The following ARHGAP24 variants were observed in gnomAD, a reference collection of about 807,000 sequenced individuals.
ARHGAP24 encodes the protein rho GTPase-activating protein 24.
In ARHGAP24, 50 loss-of-function variants were observed where a neutral mutation model predicts 76.4. The ratio of observed to expected loss-of-function variants is 0.65; its 90% CI spans 0.52 to 0.83. The LOEUF (loss-of-function observed/expected upper bound fraction) is 0.83, where lower values mean the gene tolerates loss of function less well. Among genes scored for constraint, ARHGAP24 ranks in the 40% least tolerant of loss-of-function variants. The pLI is 0.00. For synonymous variants in ARHGAP24, 345 were observed against 323.3 expected, an observed-to-expected ratio of 1.07 and a Z score of -0.72; for missense variants, 930 against 914.2, an observed-to-expected ratio of 1.02 and a Z score of -0.22.
At chr4:85,797,828 C>G (rs1200984048) in intron 3 of ARHGAP24, among the ~76,000 whole-genome samples, 1 of 152,126 alleles carries the variant, frequency 6.6e-6, no homozygotes, top group Non-Finnish European at 1.5e-5. Flanking sequence ...CCAACCCTGC[C>G]CTCCTCAGAA....
At chr4:85,488,200 A>G (rs1318053917) in intron 1 of ARHGAP24, among the ~76,000 whole-genome samples, 1 of 151,906 alleles carries the variant, frequency 6.6e-6, no homozygotes, top group East Asian at 1.9e-4. Context: ...TTTTCCACGA[A>G]AGAAATTCCT....
intron 4 of ARHGAP24, among the ~76,000 whole-genome samples, chr4:85,937,193 G>A (rs1736687839): frequency 6.6e-6 from 1 of 152,160 alleles, no homozygotes; most frequent in South Asian, 2.1e-4. Context: ...CTAATCTAAT[G>A]CAGTGGTAAG....
intron 3 of ARHGAP24, among the ~76,000 whole-genome samples, chr4:85,783,377 A>C (rs1408355722): frequency 6.6e-6 from 1 of 152,202 alleles, no homozygotes; most frequent in Non-Finnish European, 1.5e-5. Context: ...TTCTGCTGTG[A>C]ATAAAATTAG....
intron 3 of ARHGAP24, among the ~76,000 whole-genome samples, chr4:85,740,481 A>T (rs1238063089): frequency 1.3e-5 from 2 of 152,056 alleles, no homozygotes; most frequent in Non-Finnish European, 2.9e-5. Flanking sequence ...CCTCGGCCTT[A>T]TATAGGGGTG....
chr4:85,685,485 T>C (rs1723383900), intron 2 of ARHGAP24, among the ~76,000 whole-genome samples: 1 of 151,934 alleles, frequency 6.6e-6, no homozygotes, highest in Admixed American at 6.6e-5. Context: ...ACAAAAAAAT[T>C]AGCTGGGCAT....
intron 3 of ARHGAP24, among the ~76,000 whole-genome samples, chr4:85,774,014 G>C (rs901139771): frequency 6.6e-6 from 1 of 152,176 alleles, no homozygotes; most frequent in African/African-American, 2.4e-5. Context: ...TGACACCAGT[G>C]CTCAGGCAAG....
At chr4:85,989,662 C>G (rs1740208401) in intron 8 of ARHGAP24, among the ~76,000 whole-genome samples, 1 of 151,542 alleles carries the variant, frequency 6.6e-6, no homozygotes, top group African/African-American at 2.4e-5. Context: ...ATTGACTTCA[C>G]CATATAAAAA....
chr4:85,932,136 G>A (rs1418641851), intron 4 of ARHGAP24, among the ~76,000 whole-genome samples: 1 of 152,128 alleles, frequency 6.6e-6, no homozygotes, highest in Non-Finnish European at 1.5e-5. Context: ...GATTTCAGGT[G>A]TTAATTTACA....
intron 3 of ARHGAP24, among the ~76,000 whole-genome samples, chr4:85,725,008 A>C (rs1380162408): frequency 6.6e-6 from 1 of 152,212 alleles, no homozygotes; most frequent in East Asian, 1.9e-4. Context: ...ACAGTTCTTG[A>C]AGAAAGAACA....
intron 2 of ARHGAP24, among the ~76,000 whole-genome samples, chr4:85,607,895 T>C (rs1720255237): frequency 6.6e-6 from 1 of 151,758 alleles, no homozygotes; most frequent in Admixed American, 6.6e-5. Context: ...AAGTGCATGA[T>C]GCCTGGTGCT....
Position 86,000,919 on chromosome 4 carries a change from A to G in ARHGAP24, c.*197A>G, listed in dbSNP as rs1740985219. ...ATCATGCCCCATAATGCTACTGTCA[A>G]GTGTTACAACTGGATATGTGTATAT... is the stretch of plus-strand genomic sequence containing the variant. On this transcript the variant is annotated 3_prime_UTR_variant, in exon 10 of 10. Transcript: ENST00000395184. 1 of 768,188 alleles carries G rather than the reference A, an allele frequency of 1.3e-6. No individual in the cohort carries two copies. The highest frequency in any genetic ancestry group is 1.8e-5 in the African/African-American group (1 of 57,134). The allele number at this position is 768,188 out of a possible 1,614,324, so 47.6% of individuals were successfully genotyped here.
chr4:85,964,686 A>T (rs143400840), intron 5 of ARHGAP24, among the ~76,000 whole-genome samples: 3 of 152,278 alleles, frequency 2.0e-5, no homozygotes, highest in Admixed American at 1.3e-4. Flanking sequence ...AAATATCCAT[A>T]ATTTTTTTCA....
intron 3 of ARHGAP24, among the ~76,000 whole-genome samples, chr4:85,910,245 G>A (rs1425638521): frequency 1.3e-5 from 2 of 152,136 alleles, no homozygotes; most frequent in Non-Finnish European, 2.9e-5. Flanking sequence ...GCCCTGGCCT[G>A]GGGAACTCCC....
chr4:85,572,899 T>G (rs1312105252), intron 2 of ARHGAP24, among the ~76,000 whole-genome samples: 4 of 144,238 alleles, frequency 2.8e-5, no homozygotes, highest in Non-Finnish European at 6.0e-5. Context: ...TTTTTTGAGA[T>G]GGAGTCTCAC....
intron 1 of ARHGAP24, among the ~76,000 whole-genome samples, chr4:85,520,605 T>C (rs1456271422): frequency 6.6e-6 from 1 of 152,174 alleles, no homozygotes; most frequent in Non-Finnish European, 1.5e-5. Context: ...ACCTTCCTAC[T>C]TATGCTACAA....
At chr4:85,767,092 G>A (rs1726955326) in intron 3 of ARHGAP24, among the ~76,000 whole-genome samples, 1 of 152,006 alleles carries the variant, frequency 6.6e-6, no homozygotes, top group Non-Finnish European at 1.5e-5. Flanking sequence ...TGTGTAGTAG[G>A]CTATACTATC....
At chr4:85,500,881 C>G (rs548003330) in intron 1 of ARHGAP24, among the ~76,000 whole-genome samples, 1 of 151,784 alleles carries the variant, frequency 6.6e-6, no homozygotes, top group Admixed American at 6.6e-5. Context: ...CCCACCCCCC[C>G]ACCAACAGGC....
At chr4:85,928,868 C>G (rs1201176496) in intron 4 of ARHGAP24, among the ~76,000 whole-genome samples, 1 of 152,042 alleles carries the variant, frequency 6.6e-6, no homozygotes, top group Non-Finnish European at 1.5e-5. Flanking sequence ...ATTCAGAGAC[C>G]CAGCAAGGCA....
chr4:85,686,596 C>T (rs1723430203), intron 2 of ARHGAP24: 2 of 152,058 alleles, frequency 1.3e-5, no homozygotes, highest in South Asian at 4.1e-4. Context: ...ATATTTATGT[C>T]CTACAGGGCT....
Sources: gnomAD v4.1 joint callset for allele counts (sites outside exome capture counted in the v4.1 genomes callset) on GRCh38, gnomAD v4.1.1 for gene constraint, MANE v1.5 for transcripts, NCBI Gene and HGNC (gene_info 2026-07-23, HGNC 2026-07-21) for gene names.